The following HSD17B2 variants were observed in gnomAD, a reference collection of about 807,000 sequenced individuals.
The protein encoded by HSD17B2 is hydroxysteroid 17-beta dehydrogenase 2, also known as 17-beta-hydroxysteroid dehydrogenase type 2.
In HSD17B2, 32 loss-of-function variants were observed where a neutral mutation model predicts 26.9. The observed-to-expected ratio is 1.19, with a 90% CI of 0.90 to 1.60. The LOEUF is 1.60. HSD17B2 is among the 40% of genes most tolerant of loss of function. The pLI, the probability that HSD17B2 is intolerant of heterozygous loss-of-function variation, is 0.00. For synonymous variants in HSD17B2, 246 were observed against 186.7 expected, an observed-to-expected ratio of 1.32 and a Z score of -2.59; for missense variants, 613 against 468.6, an observed-to-expected ratio of 1.31 and a Z score of -2.85.
intron 3 of HSD17B2, among the ~76,000 whole-genome samples, chr16:82,073,398 G>A (rs1914742060): frequency 6.6e-6 from 1 of 151,772 alleles, no homozygotes; most frequent in African/African-American, 2.4e-5. Flanking sequence ...TAATTTTTTT[G>A]TATTTTTAGT....
At chr16:82,079,674 G>A (rs1347573842) in intron 3 of HSD17B2, among the ~76,000 whole-genome samples, 1 of 152,136 alleles carries the variant, frequency 6.6e-6, no homozygotes, top group East Asian at 1.9e-4. Context: ...AACACAGTGA[G>A]GGGCTCTCTA....
chr16:82,039,028 G>A (rs1913695694), intron 1 of HSD17B2, among the ~76,000 whole-genome samples: 1 of 152,124 alleles, frequency 6.6e-6, no homozygotes, highest in Non-Finnish European at 1.5e-5. Context: ...GACACTGGCT[G>A]GCAAAGTGGG....
At chr16:82,090,183 T>C in intron 3 of HSD17B2, 2 of 972,676 alleles carry the variant, frequency 2.1e-6, no homozygotes, top group Non-Finnish European at 2.4e-6. Context: ...GTGGGTTGAA[T>C]AGTGGACCCT....
At position 82,075,042 on chromosome 16, in the gene HSD17B2, G is replaced by C. The variant is rs140781910; in HGVS notation, c.664+3915G>C. Among the ~76,000 whole-genome samples, 3 of 152,196 alleles carry C rather than the reference G, an allele frequency of 2.0e-5. 1 individual carries two copies. The South Asian group carries it at 6.2e-4, about 32-fold the overall frequency. Reference sequence around the variant, plus strand: ...GACCAAAACTAGAAATAAAAGATAAGAGGAATTTTGGAAACTATATAAGCA... The same window carrying C: ...GACCAAAACTAGAAATAAAAGATAACAGGAATTTTGGAAACTATATAAGCA... On this transcript the variant is annotated intron_variant, in intron 3 of 4. Coordinates refer to ENST00000199936, the MANE Select transcript of HSD17B2 (RefSeq NM_002153.3).
At chr16:82,047,188 T>C (rs181491532) in intron 1 of HSD17B2, among the ~76,000 whole-genome samples, 32 of 152,354 alleles carry the variant, frequency 2.1e-4, no homozygotes, top group Non-Finnish European at 4.4e-4. Flanking sequence ...CAATCATAAG[T>C]GCTCTGTGCT....
chr16:82,044,761 C>A (rs747674548), intron 1 of HSD17B2, among the ~76,000 whole-genome samples: 21 of 152,142 alleles, frequency 1.4e-4, no homozygotes, highest in Non-Finnish European at 3.1e-4. Context: ...AGCTATCCCT[C>A]CATATTGCAG....
chr16:82,091,127 C>T, intron 4 of HSD17B2, 88 bp downstream of exon 4: 1 of 1,286,036 alleles, frequency 7.8e-7, no homozygotes, highest in Non-Finnish European at 1.1e-6. Context: ...ACATTGAACC[C>T]CTCATTGTTG....
Position 82,069,541 on chromosome 16 carries a change from C to T in HSD17B2, c.478+1159C>T, listed in dbSNP as rs145324043. 9.1e-3 allele frequency among the ~76,000 whole-genome samples: 1,380 copies of T among 152,294 alleles called. 15 individuals carry two copies. The highest frequency in any genetic ancestry group is 0.032 in the African/African-American group (1,319 of 41,536). ...TCCCCAGCCCCCATTGCTCTCCTAGCTCTCCAATCTTTCTTTCCACTTCTC... is the reference window on the plus strand; with the variant it reads ...TCCCCAGCCCCCATTGCTCTCCTAGTTCTCCAATCTTTCTTTCCACTTCTC... On this transcript the variant is annotated intron_variant, in intron 2 of 4. Transcript: ENST00000199936.
At chr16:82,047,469 T>G (rs899425719) in intron 1 of HSD17B2, among the ~76,000 whole-genome samples, 2 of 152,206 alleles carry the variant, frequency 1.3e-5, no homozygotes, top group African/African-American at 4.8e-5. Flanking sequence ...TAGTGGCAAA[T>G]AGTATGCGTT....
intron 3 of HSD17B2, among the ~76,000 whole-genome samples, chr16:82,082,777 T>C (rs751226908): frequency 6.6e-6 from 1 of 152,224 alleles, no homozygotes; most frequent in Admixed American, 6.5e-5. Flanking sequence ...AGAGTTATTA[T>C]GAAGGATCCA....
At chr16:82,084,522 G>T (rs1904467887) in intron 3 of HSD17B2, among the ~76,000 whole-genome samples, 1 of 152,034 alleles carries the variant, frequency 6.6e-6, no homozygotes, top group Non-Finnish European at 1.5e-5. Flanking sequence ...AGTAATCACA[G>T]TTGCCTGCCA....
At chr16:82,045,982 C>G (rs1045135824) in intron 1 of HSD17B2, among the ~76,000 whole-genome samples, 1 of 152,250 alleles carries the variant, frequency 6.6e-6, no homozygotes, top group Non-Finnish European at 1.5e-5. Flanking sequence ...TCTAGGCAAA[C>G]TGTTCACCTG....
At position 82,087,885 on chromosome 16, in the gene HSD17B2, C is replaced by T. The variant is rs1485576421; in HGVS notation, c.665-3017C>T. 2.0e-5 allele frequency among the ~76,000 whole-genome samples: 3 copies of T among 152,072 alleles called. No individual in the cohort carries two copies. In the East Asian group the frequency reaches 5.8e-4, roughly 29 times the overall value. On this transcript the variant is annotated intron_variant, in intron 3 of 4. Transcript: ENST00000199936. ...GGCCAAAATCCCCTTTTTATGACGA[C>T]CCCACTCTCAAGATAATGGCATTAA...
chr16:82,041,776 A>G, intron 1 of HSD17B2, among the ~76,000 whole-genome samples: 1 of 152,104 alleles, frequency 6.6e-6, no homozygotes, highest in East Asian at 1.9e-4. Context: ...CCACCTTCTT[A>G]TATGGCTGCA....
chr16:82,080,347 G>C (rs1346393598), intron 3 of HSD17B2, among the ~76,000 whole-genome samples: 2 of 152,132 alleles, frequency 1.3e-5, no homozygotes, highest in African/African-American at 4.8e-5. Flanking sequence ...GGATATTCTG[G>C]ATGAATCTGA....
intron 1 of HSD17B2, among the ~76,000 whole-genome samples, chr16:82,066,468 A>G (rs1287088099): frequency 1.3e-5 from 2 of 152,294 alleles, no homozygotes; most frequent in Non-Finnish European, 2.9e-5. Flanking sequence ...CTTTTTCTAC[A>G]CTTAGAGGAC....
chr16:82,059,182 C>T (rs749672062), intron 1 of HSD17B2, among the ~76,000 whole-genome samples: 2 of 152,122 alleles, frequency 1.3e-5, no homozygotes, highest in Non-Finnish European at 2.9e-5. Flanking sequence ...TAACATTCAC[C>T]AATATTGTAA....
chr16:82,077,006 A>C (rs1291726359), intron 3 of HSD17B2, among the ~76,000 whole-genome samples: 1 of 152,222 alleles, frequency 6.6e-6, no homozygotes, highest in Non-Finnish European at 1.5e-5. Context: ...TATTGATGAA[A>C]GAAATTGAAG....
At chr16:82,050,073 T>A (rs547795659) in intron 1 of HSD17B2, among the ~76,000 whole-genome samples, 1 of 152,376 alleles carries the variant, frequency 6.6e-6, no homozygotes, top group African/African-American at 2.4e-5. Context: ...GTGAAGCTAA[T>A]GGATAGCCAG....
Sources: allele counts gnomAD v4.1 joint callset (sites outside exome capture counted in the v4.1 genomes callset), GRCh38; gene constraint gnomAD v4.1.1; transcripts MANE v1.5; gene names NCBI Gene and HGNC (gene_info 2026-07-23, HGNC 2026-07-21).